GRM7: variants seen among roughly 807,000 people sequenced by gnomAD.
The protein encoded by GRM7 is glutamate metabotropic receptor 7, also known as metabotropic glutamate receptor 7.
In GRM7, 35 loss-of-function variants were observed where a neutral mutation model predicts 84.5. The observed-to-expected ratio is 0.41, with a 90% CI of 0.32 to 0.55. The LOEUF (loss-of-function observed/expected upper bound fraction) is 0.55, where lower values mean the gene tolerates loss of function less well. GRM7 is among the 20% of genes least tolerant of loss of function. The probability of loss-of-function intolerance (pLI) is 0.19; values close to 1 mark genes in which losing one functional copy is unlikely to be tolerated. For synonymous variants in GRM7, 487 were observed against 455.1 expected, an observed-to-expected ratio of 1.07 and a Z score of -0.89; for missense variants, 1,003 against 1,194.6, an observed-to-expected ratio of 0.84 and a Z score of 2.36.
At chr3:7,428,769 GAAT>G (rs752397017) in intron 5 of GRM7, among the ~76,000 whole-genome samples, 1 of 152,076 alleles carries the variant, frequency 6.6e-6, no homozygotes, top group African/African-American at 2.4e-5. Flanking sequence ...TGTGACCCCA[GAAT>G]AATAATAAGA....
chr3:6,884,479 T>C (rs1296717864), intron 1 of GRM7, among the ~76,000 whole-genome samples: 1 of 152,214 alleles, frequency 6.6e-6, no homozygotes, highest in African/African-American at 2.4e-5. Context: ...TTAGACACAA[T>C]CTTTTAGTTA....
At chr3:7,110,591 T>TTACACACACACA (rs1692812294) in intron 1 of GRM7, among the ~76,000 whole-genome samples, 1 of 143,636 alleles carries the variant, frequency 7.0e-6, no homozygotes, top group African/African-American at 2.6e-5. Flanking sequence ...CGATACTCTG[T>TTACACACACACA]CACACACACA....
chr3:7,175,923 A>T (rs1006300883), intron 2 of GRM7, among the ~76,000 whole-genome samples: 6 of 152,158 alleles, frequency 3.9e-5, no homozygotes, highest in African/African-American at 1.4e-4. Flanking sequence ...CCAAAAGCTG[A>T]AGTGATATCT....
chr3:7,069,208 C>G (rs1446014481), intron 1 of GRM7, among the ~76,000 whole-genome samples: 2 of 151,868 alleles, frequency 1.3e-5, no homozygotes, highest in Non-Finnish European at 2.9e-5. Context: ...ATGAAACACT[C>G]TGGGATAGTA....
chr3:7,112,453 T>C (rs1316244313), intron 1 of GRM7, among the ~76,000 whole-genome samples: 2 of 152,192 alleles, frequency 1.3e-5, no homozygotes, highest in Non-Finnish European at 2.9e-5. Context: ...CTCGATCTCC[T>C]GACCTTGTGA....
intron 4 of GRM7, among the ~76,000 whole-genome samples, chr3:7,385,335 C>T (rs954702233): frequency 8.5e-6 from 1 of 118,236 alleles, no homozygotes; most frequent in Admixed American, 1.2e-4. Context: ...GAGTCTCGCT[C>T]TGTCGCACAG....
chr3:7,419,305 G>A (rs1351771769), intron 5 of GRM7, among the ~76,000 whole-genome samples: 5 of 152,136 alleles, frequency 3.3e-5, no homozygotes, highest in African/African-American at 4.8e-5. Flanking sequence ...CAGAGTGTGT[G>A]TCCAAGGCCC....
intron 2 of GRM7, among the ~76,000 whole-genome samples, chr3:7,209,014 G>T (rs1301896693): frequency 6.6e-6 from 1 of 152,160 alleles, no homozygotes; most frequent in African/African-American, 2.4e-5. Context: ...GAATGAAAAT[G>T]CATACACCTA....
chr3:6,942,515 A>G (rs1205548406), intron 1 of GRM7, among the ~76,000 whole-genome samples: 1 of 152,160 alleles, frequency 6.6e-6, no homozygotes, highest in Non-Finnish European at 1.5e-5. Context: ...TCCATTACTC[A>G]GCATAATAAT....
chr3:7,069,059 T>A (rs892771237), intron 1 of GRM7, among the ~76,000 whole-genome samples: 16 of 149,302 alleles, frequency 1.1e-4, no homozygotes, highest in East Asian at 9.8e-4. Context: ...ATACATAATT[T>A]TATATATATA....
chr3:7,506,392 C>T (rs539601786), intron 7 of GRM7, among the ~76,000 whole-genome samples: 4 of 152,280 alleles, frequency 2.6e-5, no homozygotes, highest in Admixed American at 1.3e-4. Context: ...CTTGATGCCC[C>T]ATTCATGATA....
intron 2 of GRM7, among the ~76,000 whole-genome samples, chr3:7,226,718 C>G (rs1210478252): frequency 1.3e-5 from 2 of 152,158 alleles, no homozygotes. Context: ...ATAAATCAAA[C>G]TTCCTTCCCT....
intron 7 of GRM7, chr3:7,519,717 T>C (rs539608516): frequency 6.6e-6 from 1 of 152,362 alleles, no homozygotes; most frequent in South Asian, 2.1e-4. Flanking sequence ...TTCTGATGCT[T>C]AGTAACTTCA....
At chr3:7,253,083 G>A (rs978794676) in intron 2 of GRM7, among the ~76,000 whole-genome samples, 7 of 150,508 alleles carry the variant, frequency 4.7e-5, no homozygotes, top group Non-Finnish European at 8.8e-5. Context: ...TGGCAGCAAG[G>A]AGCTACAGTT....
chr3:7,064,505 C>CACACACACATACACATAT (rs1553612672), intron 1 of GRM7, among the ~76,000 whole-genome samples: 1 of 101,008 alleles, frequency 9.9e-6, no homozygotes, highest in East Asian at 2.6e-4. Context: ...TATATATACA[C>CACACACACATACACATAT]ATATATATAT....
chr3:7,341,742 C>T (rs1210759142), intron 4 of GRM7, among the ~76,000 whole-genome samples: 1 of 152,074 alleles, frequency 6.6e-6, no homozygotes, highest in Non-Finnish European at 1.5e-5. Flanking sequence ...ATGTGTTTTA[C>T]ATGTGTTTAA....
At chr3:7,316,188 G>T (rs1700575929) in intron 4 of GRM7, among the ~76,000 whole-genome samples, 2 of 152,114 alleles carry the variant, frequency 1.3e-5, no homozygotes, top group South Asian at 4.1e-4. Flanking sequence ...GAGGAAGAGG[G>T]AGATGAAGTC....
chr3:6,985,051 A>G (rs190472918), intron 1 of GRM7, among the ~76,000 whole-genome samples: 1 of 152,270 alleles, frequency 6.6e-6, no homozygotes, highest in Admixed American at 6.5e-5. Flanking sequence ...TCCGCCATTT[A>G]TCACATTTTC....
chr3:6,918,213 G>C (rs1442655222), intron 1 of GRM7, among the ~76,000 whole-genome samples: 1 of 152,170 alleles, frequency 6.6e-6, no homozygotes, highest in African/African-American at 2.4e-5. Flanking sequence ...CTGTGAGCTA[G>C]ACAAGGACTT....
Sources: allele counts gnomAD v4.1 joint callset (sites outside exome capture counted in the v4.1 genomes callset), GRCh38; gene constraint gnomAD v4.1.1; transcripts MANE v1.5; gene names NCBI Gene and HGNC (gene_info 2026-07-23, HGNC 2026-07-21).